CHD5: variants seen among roughly 807,000 people sequenced by gnomAD.
CHD5 encodes the protein chromodomain helicase DNA binding protein 5, also known as ATP-dependent chromatin remodeler CHD5.
A neutral mutation model predicts 230.3 loss-of-function variants in CHD5; 69 were observed. The ratio of observed to expected loss-of-function variants is 0.30; its 90% confidence interval spans 0.25 to 0.37. The LOEUF is 0.37. CHD5 is among the 10% of genes least tolerant of loss of function. The pLI is 1.00. For synonymous variants in CHD5, 1,064 were observed against 1,065.9 expected, an observed-to-expected ratio of 1.00 and a Z score of 0.03; for missense variants, 1,827 against 2,622.8, an observed-to-expected ratio of 0.70 and a Z score of 6.63.
intron 1 of CHD5, among the ~76,000 whole-genome samples, chr1:6,177,270 G>C (rs1027142084): frequency 6.6e-6 from 1 of 152,210 alleles, no homozygotes; most frequent in African/African-American, 2.4e-5. Flanking sequence ...CTGCATAGGG[G>C]CTATGAGGAA....
chr1:6,104,166 A>T lies in CHD5; in HGVS notation c.*1308T>A, dbSNP rs1000687445. ...GACCTGCTCCCCATCTCCGTCCCCA[A>T]CTTGGAGGGGCAGGGTCCGGGGGAG... is the stretch of plus-strand genomic sequence containing the variant. On this transcript the variant is annotated 3_prime_UTR_variant, in exon 42 of 42. Transcript: ENST00000262450. 7.9e-5 allele frequency: 12 copies of T among 152,180 alleles called. No homozygotes were observed. Among genetic ancestry groups the T allele is most frequent in the African/African-American group, 2.9e-4 (12 of 41,446 alleles). 9.4% of individuals were successfully genotyped at this position (152,180 alleles called of 1,614,324 possible).
intron 7 of CHD5, among the ~76,000 whole-genome samples, chr1:6,150,463 TGGAC>T (rs59020358): frequency 0.2 from 28,575 of 141,138 alleles, 3,908 homozygotes; most frequent in African/African-American, 0.37. Flanking sequence ...GATGGATGGA[TGGAC>T]GGACGGACGG....
chr1:6,173,253 C>G lies in CHD5; in HGVS notation c.80-4976G>C, dbSNP rs189782598. 1.9e-3 allele frequency among the ~76,000 whole-genome samples: 296 copies of G among 151,854 alleles called. 1 individual carries two copies. The highest frequency in any genetic ancestry group is 6.9e-3 in the African/African-American group (286 of 41,374). On this transcript the variant is annotated intron_variant, in intron 1 of 41. Coordinates refer to ENST00000262450, the MANE Select transcript of CHD5 (RefSeq NM_015557.3). Reference sequence around the variant, plus strand: ...CCAAGTAGCTGGGACTACAGGTGTCCGCCACCACACCCGGCTAATTTTTTG... The same window carrying G: ...CCAAGTAGCTGGGACTACAGGTGTCGGCCACCACACCCGGCTAATTTTTTG...
rs1184264207 is a variant in CHD5 at position 6,105,926 on chromosome 1, T to C, written c.*46+308A>G. Among the ~76,000 whole-genome samples the C allele has an allele frequency of 6.6e-6, 1 of 151,934 alleles. No homozygotes were observed. Among genetic ancestry groups the C allele is most frequent in the Non-Finnish European group, 1.5e-5 (1 of 67,976 alleles). The stretch of plus-strand genomic sequence containing the variant: ...GGGGGCAGCAGTCTCTGACTTCCGC[T>C]GGGAACATGTGTGCAAATGAGAACA... On this transcript the variant is annotated intron_variant, in intron 41 of 41. Coordinates refer to ENST00000262450, the MANE Select transcript of CHD5 (RefSeq NM_015557.3). The surrounding 1 kb of genome is among the most constrained non-coding windows in gnomAD (Gnocchi z 4.8).
Position 6,161,758 on chromosome 1 carries a change from G to A in CHD5, c.208-2243C>T, listed in dbSNP as rs553454607. ...GCCCTTCAGGAGATCTGAGAGACAC[G>A]CTCTCCCTGAGCCCTCACCCCAGCA... On this transcript the variant is annotated intron_variant, in intron 2 of 41. Transcript: ENST00000262450. Among the ~76,000 whole-genome samples the A allele has an allele frequency of 9.3e-4, 141 of 152,288 alleles. 1 individual carries two copies. The highest frequency in any genetic ancestry group is 3.5e-3 in the South Asian group (17 of 4,824).
In CHD5 at chr1:6,146,998, C is replaced by A; in HGVS notation, c.1384-127G>T. Reference sequence around the variant, plus strand: ...CCACTGCCCCCAAGTCAGAACAGTACCACGGTGACGCCATGACATCCACCC... The same window carrying A: ...CCACTGCCCCCAAGTCAGAACAGTAACACGGTGACGCCATGACATCCACCC... On this transcript the variant is annotated intron_variant, in intron 9 of 41. Transcript: ENST00000262450. This position sits in a 1 kb window ranked among gnomAD's most constrained non-coding sequence, Gnocchi z 5.1. 1.4e-6 allele frequency: 1 copy of A among 710,368 alleles called. No homozygotes were observed. The highest frequency in any genetic ancestry group is 2.2e-6 in the Non-Finnish European group (1 of 445,764). 44.0% of individuals were successfully genotyped at this position (710,368 alleles called of 1,614,324 possible).
chr1:6,158,994 G>C (rs1271385052), intron 3 of CHD5, among the ~76,000 whole-genome samples: 24 of 107,948 alleles, frequency 2.2e-4, no homozygotes, highest in African/African-American at 9.2e-4. Context: ...GCGACAGAGC[G>C]AGACTCCGTC....
At chr1:6,164,052 C>T (rs1667216504) in intron 2 of CHD5, among the ~76,000 whole-genome samples, 1 of 152,234 alleles carries the variant, frequency 6.6e-6, no homozygotes, top group African/African-American at 2.4e-5. Context: ...AGCCCCCACC[C>T]TGCTGAGGGC....
chr1:6,128,272 G>A lies in CHD5; in HGVS notation c.3731-54C>T, dbSNP rs1033127309. The A allele has an allele frequency of 6.4e-6, 10 of 1,566,732 alleles. No homozygotes were observed. Among genetic ancestry groups the A allele is most frequent in the African/African-American group, 5.4e-5 (4 of 74,372 alleles). On this transcript the variant is annotated intron_variant, in intron 24 of 41. Coordinates refer to ENST00000262450, the MANE Select transcript of CHD5 (RefSeq NM_015557.3). The surrounding 1 kb of genome is among the most constrained non-coding windows in gnomAD (Gnocchi z 7.8). The stretch of plus-strand genomic sequence containing the variant: ...ACAAAGACTGCCCTGGTCCAGCCCC[G>A]GGGTCCCAGGAACAGACTCCCAACA...
At chr1:6,111,583 T>A (rs1214065414) in intron 36 of CHD5, among the ~76,000 whole-genome samples, 192 bp downstream of exon 36, 4 of 148,190 alleles carry the variant, frequency 2.7e-5, no homozygotes, top group Non-Finnish European at 5.9e-5. Context: ...CAGAGACACA[T>A]AAGGAAGAAG....
chr1:6,135,190 G>C, intron 18 of CHD5, 40 bp downstream of exon 18: 1 of 1,612,102 alleles, frequency 6.2e-7, no homozygotes. Context: ...CCAGGGGAAA[G>C]GGCGAGCACA....
chr1:6,163,391 C>T (rs1011191840), intron 2 of CHD5, among the ~76,000 whole-genome samples: 1 of 152,226 alleles, frequency 6.6e-6, no homozygotes, highest in Admixed American at 6.5e-5. Flanking sequence ...GGAGCCCGCA[C>T]AGCTGGGCCT....
intron 33 of CHD5, among the ~76,000 whole-genome samples, chr1:6,120,719 A>G (rs1019783669): frequency 9.9e-5 from 15 of 152,088 alleles, no homozygotes; most frequent in Admixed American, 8.5e-4. Context: ...CCTGACCAAC[A>G]TGATGAAATC....
chr1:6,113,079 T>C (rs375991603), intron 33 of CHD5, 81 bp from the exon 34 acceptor site: 29 of 927,776 alleles, frequency 3.1e-5, no homozygotes, highest in Middle Eastern at 2.1e-4. Flanking sequence ...TTTCCACCCA[T>C]GGAACCCTAT....
chr1:6,160,669 T>C (rs1276865774), intron 2 of CHD5, among the ~76,000 whole-genome samples: 1 of 152,290 alleles, frequency 6.6e-6, no homozygotes, highest in African/African-American at 2.4e-5. Flanking sequence ...GACACTGCTA[T>C]GGATGGCACA....
rs569282936 is a variant in CHD5 at position 6,157,851 on chromosome 1, G to A, written c.387+1485C>T. Among the ~76,000 whole-genome samples the A allele has an allele frequency of 7.2e-5, 11 of 152,256 alleles. No individual in the cohort carries two copies. The South Asian group carries it at 1.2e-3, about 17-fold the overall frequency. On this transcript the variant is annotated intron_variant, in intron 3 of 41. Transcript: ENST00000262450. ...TGAAGCTTTCAGAACTGTCAGCCCCGCAGCGACGATCCGTCTCCGGTGACT... is the reference window on the plus strand; with the variant it reads ...TGAAGCTTTCAGAACTGTCAGCCCCACAGCGACGATCCGTCTCCGGTGACT...
intron 35 of CHD5, 45 bp downstream of exon 35, chr1:6,112,095 C>G (rs377606888): frequency 7.5e-6 from 12 of 1,599,644 alleles, no homozygotes; most frequent in Non-Finnish European, 9.4e-6. Context: ...CTGGGACCCA[C>G]AGTCAGGAAG....
chr1:6,121,013 G>A lies in CHD5; in HGVS notation c.4912+92C>T, dbSNP rs1666461267. On this transcript the variant is annotated intron_variant, in intron 33 of 41. Transcript: ENST00000262450. The surrounding 1 kb of genome is among the most constrained non-coding windows in gnomAD (Gnocchi z 4.5). Reference sequence around the variant, plus strand: ...GTCTACCTCTCTGCCAGGGAGAAATGAGCGGAAGTACAGCCACCTGCCCTT... The same window carrying A: ...GTCTACCTCTCTGCCAGGGAGAAATAAGCGGAAGTACAGCCACCTGCCCTT... 1 of 1,375,558 alleles carries A rather than the reference G, an allele frequency of 7.3e-7. No individual in the cohort carries two copies. The highest frequency in any genetic ancestry group is 1.5e-5 in the South Asian group (1 of 64,826). The allele number at this position is 1,375,558 out of a possible 1,614,324, so 85.2% of individuals were successfully genotyped here.
At chr1:6,153,940 C>G (rs1226516707) in intron 5 of CHD5, among the ~76,000 whole-genome samples, 1 of 152,164 alleles carries the variant, frequency 6.6e-6, no homozygotes, top group East Asian at 1.9e-4. Context: ...GGCCAGAAAC[C>G]TGCACCCAGA....
Sources: gnomAD v4.1 joint callset for allele counts (sites outside exome capture counted in the v4.1 genomes callset) on GRCh38, gnomAD v4.1.1 for gene constraint, Gnocchi (gnomAD v3.1) non-coding constraint, MANE v1.5 for transcripts, NCBI Gene and HGNC (gene_info 2026-07-23, HGNC 2026-07-21) for gene names.